SCUBE1: variants seen among roughly 807,000 people sequenced by gnomAD.
The protein encoded by SCUBE1 is signal peptide, CUB domain and EGF like domain containing 1.
SCUBE1 carries 59 observed loss-of-function variants against 124.4 expected under a neutral mutation model. The ratio of observed to expected loss-of-function variants is 0.47; its 90% CI spans 0.38 to 0.59. The LOEUF is 0.59. SCUBE1 is among the 20% of genes least tolerant of loss of function. SCUBE1 has a pLI of 0.00. For synonymous variants in SCUBE1, 545 were observed against 550.9 expected, an observed-to-expected ratio of 0.99 and a Z score of 0.15; for missense variants, 1,150 against 1,371.2, an observed-to-expected ratio of 0.84 and a Z score of 2.55.
At chr22:43,281,444 CT>C in intron 4 of SCUBE1, among the ~76,000 whole-genome samples, 1 of 64,412 alleles carries the variant, frequency 1.6e-5, no homozygotes, top group Non-Finnish European at 2.7e-5. Context: ...CTTGGCCACC[CT>C]CCTGTCATCT....
intron 2 of SCUBE1, among the ~76,000 whole-genome samples, chr22:43,324,813 G>A (rs1926669278): frequency 1.3e-5 from 2 of 151,440 alleles, no homozygotes; most frequent in South Asian, 2.1e-4. Context: ...CTCTATGGAT[G>A]TTTATTCTTA....
intron 3 of SCUBE1, among the ~76,000 whole-genome samples, chr22:43,318,636 AAC>A (rs913807252): frequency 2.6e-5 from 4 of 152,184 alleles, no homozygotes; most frequent in Non-Finnish European, 5.9e-5. Flanking sequence ...ACTGATAGAA[AAC>A]ACACCAGCAC....
chr22:43,204,188 G>A (rs751882305), intron 21 of SCUBE1, 39 bp from the exon 22 acceptor site: 1 of 1,604,702 alleles, frequency 6.2e-7, no homozygotes, highest in Non-Finnish European at 8.5e-7. Flanking sequence ...GGAGGCTTGG[G>A]GCCTGTAGGG....
intron 2 of SCUBE1, among the ~76,000 whole-genome samples, chr22:43,328,685 G>A (rs375845103): frequency 5.9e-5 from 9 of 152,246 alleles, no homozygotes; most frequent in East Asian, 5.8e-4. Context: ...CTCTCATCTC[G>A]GGATCCAGCA....
intron 2 of SCUBE1, among the ~76,000 whole-genome samples, chr22:43,336,135 T>C (rs1468830104): frequency 6.6e-6 from 1 of 152,200 alleles, no homozygotes; most frequent in Non-Finnish European, 1.5e-5. Flanking sequence ...TGTGCCTCAC[T>C]CAATCTTCAG....
chr22:43,241,189 G>A (rs143943037), intron 6 of SCUBE1, among the ~76,000 whole-genome samples: 8 of 152,282 alleles, frequency 5.3e-5, no homozygotes, highest in South Asian at 2.1e-4. Context: ...TTGAGTTCAC[G>A]AGTTGCCTCA....
chr22:43,323,650 C>T (rs1476451584), intron 2 of SCUBE1, among the ~76,000 whole-genome samples: 1 of 151,880 alleles, frequency 6.6e-6, no homozygotes, highest in South Asian at 2.1e-4. Context: ...GAAATCCTCT[C>T]ATCTGTATAT....
intron 4 of SCUBE1, chr22:43,282,099 A>C (rs1246638044): frequency 6.5e-6 from 1 of 152,962 alleles, no homozygotes; most frequent in East Asian, 1.9e-4. Flanking sequence ...GGGAGTTGAG[A>C]AGGGCACCGG....
rs1403631797 is a variant in SCUBE1 at position 43,210,658 on chromosome 22, G to A, written c.2383+264C>T. 2.0e-5 allele frequency among the ~76,000 whole-genome samples: 3 copies of A among 152,256 alleles called. No homozygotes were observed. Among genetic ancestry groups the A allele is most frequent in the Non-Finnish European group, 4.4e-5 (3 of 68,040 alleles). On this transcript the variant is annotated intron_variant, in intron 18 of 21. Coordinates refer to ENST00000360835, the MANE Select transcript of SCUBE1 (RefSeq NM_173050.5). The surrounding 1 kb of genome is among the most constrained non-coding windows in gnomAD (Gnocchi z 4.5). ...AGAGCAGGGCCTGGCCCAGGGCAGA[G>A]GCTTGGGCTGTGTTGGGTGAGCAGT...
intron 21 of SCUBE1, among the ~76,000 whole-genome samples, chr22:43,206,145 T>G (rs1358412520): frequency 3.2e-5 from 1 of 31,470 alleles, no homozygotes; most frequent in Non-Finnish European, 5.9e-5. Flanking sequence ...CCGCCTCCAT[T>G]CACCACACAC....
chr22:43,252,045 C>T (rs1018776167), intron 6 of SCUBE1, among the ~76,000 whole-genome samples: 1 of 152,228 alleles, frequency 6.6e-6, no homozygotes, highest in Admixed American at 6.5e-5. Context: ...GCAAATCCGA[C>T]AATTTTAACT....
chr22:43,281,606 ACCT>A (rs1331003483), intron 4 of SCUBE1, among the ~76,000 whole-genome samples: 3 of 132,664 alleles, frequency 2.3e-5, no homozygotes, highest in Non-Finnish European at 3.2e-5. Context: ...CCCTCCTGTC[ACCT>A]CCTCCTCAGC....
intron 4 of SCUBE1, among the ~76,000 whole-genome samples, chr22:43,274,111 C>G (rs770674950): frequency 6.6e-6 from 1 of 152,122 alleles, no homozygotes; most frequent in African/African-American, 2.4e-5. Context: ...TCTGCCCCCA[C>G]GGACCTGAGG....
chr22:43,333,351 G>A (rs905136179), intron 2 of SCUBE1, among the ~76,000 whole-genome samples: 1 of 152,340 alleles, frequency 6.6e-6, no homozygotes, highest in East Asian at 1.9e-4. Flanking sequence ...GGGGCCCCAG[G>A]CCACTCCTGG....
chr22:43,301,231 C>T (rs1925759341), intron 3 of SCUBE1, among the ~76,000 whole-genome samples: 1 of 152,150 alleles, frequency 6.6e-6, no homozygotes, highest in South Asian at 2.1e-4. Flanking sequence ...TCGTCTCTGG[C>T]CTGGATTCTC....
At chr22:43,269,584 T>C (rs74757990) in intron 4 of SCUBE1, among the ~76,000 whole-genome samples, 2,140 of 152,238 alleles carry the variant, frequency 0.014, 57 homozygotes, top group African/African-American at 0.05. Context: ...GATGGCAAGC[T>C]GGGAACGGCA....
At position 43,338,873 on chromosome 22, in the gene SCUBE1, T is replaced by C. The variant is rs181206454; in HGVS notation, c.220+231A>G. Among the ~76,000 whole-genome samples the C allele has an allele frequency of 1.2e-3, 184 of 152,292 alleles. 1 individual carries two copies. In the East Asian group the frequency reaches 0.033, roughly 28 times the overall value. The stretch of plus-strand genomic sequence containing the variant: ...AAAGAACAAAAAGTTTCAAGCCCAG[T>C]TGAGAATCAGGCACCCCATGACTCT... On this transcript the variant is annotated intron_variant, in intron 2 of 21. Transcript: ENST00000360835.
intron 11 of SCUBE1, 83 bp downstream of exon 11, chr22:43,223,014 A>G: frequency 1.4e-6 from 2 of 1,472,900 alleles, no homozygotes; most frequent in South Asian, 2.9e-5. Flanking sequence ...TCTTTCCTGG[A>G]GGACAGCTGG....
chr22:43,235,433 G>T (rs1440694768), intron 7 of SCUBE1, among the ~76,000 whole-genome samples: 5 of 152,202 alleles, frequency 3.3e-5, no homozygotes, highest in Non-Finnish European at 7.4e-5. Flanking sequence ...GTGCCCAGCA[G>T]GGAGGGCCAG....
Sources: gnomAD v4.1 joint callset for allele counts (sites outside exome capture counted in the v4.1 genomes callset) on GRCh38, gnomAD v4.1.1 for gene constraint, Gnocchi (gnomAD v3.1) non-coding constraint, MANE v1.5 for transcripts, NCBI Gene and HGNC (gene_info 2026-07-23, HGNC 2026-07-21) for gene names.